RAB3GAP1: variants seen among roughly 807,000 people sequenced by gnomAD.
The protein encoded by RAB3GAP1 is RAB3 GTPase activating protein catalytic subunit 1.
In RAB3GAP1, 86 loss-of-function variants were observed where a neutral mutation model predicts 130.7. That is an observed-to-expected ratio of 0.66 (90% CI 0.55 to 0.79). The LOEUF (loss-of-function observed/expected upper bound fraction) is 0.79, where lower values mean the gene tolerates loss of function less well. Among genes scored for constraint, RAB3GAP1 ranks in the 30% least tolerant of loss-of-function variants. The pLI, the probability that RAB3GAP1 is intolerant of heterozygous loss-of-function variation, is 0.00. For missense variants in RAB3GAP1, 1,029 were observed against 1,169.4 expected, an observed-to-expected ratio of 0.88 and a Z score of 1.75; for synonymous variants, 367 against 401.7, an observed-to-expected ratio of 0.91 and a Z score of 1.03.
At position 135,130,612 on chromosome 2, in the gene RAB3GAP1, A is replaced by G. The variant is rs200094211; in HGVS notation, c.1127A>G (p.His376Arg). 15 of 1,613,880 alleles carry G rather than the reference A, an allele frequency of 9.3e-6. No individual in the cohort carries two copies. Among genetic ancestry groups the G allele is most frequent in the Admixed American group, 5.0e-5 (3 of 60,022 alleles). ...KLTEPASVPI[H>R]KLSVSNMVHT... ...ACAGAGCCGGCATCAGTTCCAATTC[A>G]TAAATTATCAGTTTCAAATATGGTA... The change falls in exon 13 of 24, where the codon CAT becomes CGT. Residue 376 changes from histidine to arginine, a missense_variant. His to Arg is a conservative substitution (Grantham distance 29, BLOSUM62 0). Coordinates refer to ENST00000264158, the MANE Select transcript of RAB3GAP1 (RefSeq NM_012233.3).
intron 3 of RAB3GAP1, among the ~76,000 whole-genome samples, chr2:135,072,028 T>A (rs972795257): frequency 3.3e-5 from 5 of 152,360 alleles, no homozygotes; most frequent in African/African-American, 1.2e-4. Flanking sequence ...TTCTCGTGCC[T>A]CAGCTTCCCA....
At chr2:135,172,201 G>A (rs551278353), downstream of RAB3GAP1, among the ~76,000 whole-genome samples, 22 of 152,106 alleles carry the variant, frequency 1.4e-4, no homozygotes, top group East Asian at 3.1e-3. Flanking sequence ...AGGCCGAGGC[G>A]GGCGGATCAC....
chr2:135,083,876 T>C (rs921619916), intron 3 of RAB3GAP1, among the ~76,000 whole-genome samples: 6 of 150,626 alleles, frequency 4.0e-5, no homozygotes, highest in African/African-American at 1.5e-4. Context: ...ATGTTGAACA[T>C]CTTTTGATGT....
chr2:135,136,050 A>G (rs759947390), intron 17 of RAB3GAP1, 118 bp downstream of exon 17: 44 of 1,381,730 alleles, frequency 3.2e-5, no homozygotes, highest in Non-Finnish European at 4.3e-5. Flanking sequence ...TTTAGGCCAG[A>G]TGCGGTGGCT....
intron 5 of RAB3GAP1, among the ~76,000 whole-genome samples, chr2:135,112,298 C>G (rs111610142): frequency 1.3e-5 from 2 of 152,186 alleles, no homozygotes; most frequent in Non-Finnish European, 2.9e-5. Context: ...CCAGGTCACC[C>G]CAGCTAAAGA....
intron 3 of RAB3GAP1, among the ~76,000 whole-genome samples, chr2:135,069,074 G>T (rs1265835346): frequency 6.6e-6 from 1 of 151,990 alleles, no homozygotes; most frequent in East Asian, 1.9e-4. Context: ...GCATACAGAG[G>T]GTGTAATTTG....
intron 3 of RAB3GAP1, among the ~76,000 whole-genome samples, chr2:135,085,278 G>C (rs978695945): frequency 6.6e-6 from 1 of 152,078 alleles, no homozygotes; most frequent in East Asian, 1.9e-4. Flanking sequence ...TATACAATAT[G>C]TGTAATACTA....
rs974829043 is a variant in RAB3GAP1 at position 135,055,937 on chromosome 2, C to T, written c.75-2074C>T. 9.3e-5 allele frequency among the ~76,000 whole-genome samples: 14 copies of T among 151,166 alleles called. No homozygotes were observed. The South Asian group carries it at 1.3e-3, about 14-fold the overall frequency. On this transcript the variant is annotated intron_variant, in intron 2 of 23. Transcript: ENST00000264158. Reference sequence around the variant, plus strand: ...CTGCAAGCTCTGCCTCCCAGGTTTACGCCATTCTCCTGCCTCAGCCTCCCA... The same window carrying T: ...CTGCAAGCTCTGCCTCCCAGGTTTATGCCATTCTCCTGCCTCAGCCTCCCA...
At chr2:135,057,924 T>C (rs1574072601) in intron 2 of RAB3GAP1, 87 bp from the exon 3 acceptor site, 3 of 987,018 alleles carry the variant, frequency 3.0e-6, no homozygotes, top group African/African-American at 3.2e-5. Flanking sequence ...ATTGTTAAAA[T>C]ATAAAAAATA....
intron 18 of RAB3GAP1, among the ~76,000 whole-genome samples, chr2:135,152,082 C>T (rs1012244950): frequency 2.0e-5 from 3 of 152,114 alleles, no homozygotes; most frequent in Non-Finnish European, 4.4e-5. Flanking sequence ...ACATATACAC[C>T]CATATGTAGA....
chr2:135,134,076 G>A (rs1406857574), intron 15 of RAB3GAP1, 43 bp downstream of exon 15: 1 of 1,607,406 alleles, frequency 6.2e-7, no homozygotes, highest in Non-Finnish European at 8.5e-7. Context: ...GATTTTGTTT[G>A]TTAGCAGACA....
intron 5 of RAB3GAP1, among the ~76,000 whole-genome samples, chr2:135,095,760 G>A (rs1201570223): frequency 6.6e-6 from 1 of 152,182 alleles, no homozygotes; most frequent in Non-Finnish European, 1.5e-5. Context: ...AGGCCATTCT[G>A]TCCTGGAAGT....
intron 17 of RAB3GAP1, among the ~76,000 whole-genome samples, chr2:135,142,079 A>G (rs1401486758): frequency 6.6e-6 from 1 of 152,218 alleles, no homozygotes; most frequent in Non-Finnish European, 1.5e-5. Context: ...ATAAACAAAC[A>G]CATATTCAAA....
chr2:135,087,923 A>G (rs1450695955), intron 3 of RAB3GAP1, among the ~76,000 whole-genome samples: 1 of 152,186 alleles, frequency 6.6e-6, no homozygotes, highest in African/African-American at 2.4e-5. Flanking sequence ...TAGAATTGTC[A>G]TTTCGGTTCG....
At chr2:135,139,533 C>A (rs1330179525) in intron 17 of RAB3GAP1, among the ~76,000 whole-genome samples, 1 of 150,862 alleles carries the variant, frequency 6.6e-6, no homozygotes, top group African/African-American at 2.4e-5. Flanking sequence ...AGAGCAAGAC[C>A]CTGTCTCAAA....
intron 5 of RAB3GAP1, among the ~76,000 whole-genome samples, chr2:135,101,918 C>T (rs1350487267): frequency 3.3e-5 from 5 of 152,094 alleles, no homozygotes; most frequent in African/African-American, 7.2e-5. Context: ...AGACTTTAAC[C>T]GTAGCAAACA....
intron 3 of RAB3GAP1, among the ~76,000 whole-genome samples, chr2:135,063,940 AT>A (rs909731239): frequency 1.3e-4 from 20 of 152,140 alleles, no homozygotes; most frequent in African/African-American, 4.8e-4. Flanking sequence ...TTCCTGAAAG[AT>A]TTTGCCGTAT....
chr2:135,100,911 C>T (rs1277388643), intron 5 of RAB3GAP1, among the ~76,000 whole-genome samples: 1 of 152,138 alleles, frequency 6.6e-6, no homozygotes, highest in African/African-American at 2.4e-5. Context: ...GAAAATGTTT[C>T]CAGACAAGGT....
chr2:135,122,255 A>T (rs1166672748), intron 8 of RAB3GAP1, among the ~76,000 whole-genome samples: 1 of 152,214 alleles, frequency 6.6e-6, no homozygotes, highest in Admixed American at 6.5e-5. Context: ...TAAGCTTTAG[A>T]TTTATATCAG....
Sources: allele counts gnomAD v4.1 joint callset (sites outside exome capture counted in the v4.1 genomes callset), GRCh38; gene constraint gnomAD v4.1.1; transcripts MANE v1.5; gene names NCBI Gene and HGNC (gene_info 2026-07-23, HGNC 2026-07-21).